The following EXOC2 variants were observed in gnomAD, a reference collection of about 807,000 sequenced individuals.
EXOC2 encodes the protein exocyst complex component 2.
EXOC2 carries 70 observed loss-of-function variants against 131.8 expected under a neutral mutation model. The observed-to-expected ratio is 0.53, with a 90% CI of 0.44 to 0.65. The LOEUF is 0.65. EXOC2 is among the 30% of genes least tolerant of loss of function. EXOC2 has a pLI of 0.00. For synonymous variants in EXOC2, 411 were observed against 398.4 expected (o/e 1.03, Z -0.38); for missense variants, 923 against 1,108.6 (o/e 0.83, Z 2.38).
intron 11 of EXOC2, among the ~76,000 whole-genome samples, chr6:578,467 G>A (rs929479103): frequency 2.6e-5 from 4 of 152,184 alleles, no homozygotes; most frequent in Admixed American, 6.5e-5. Flanking sequence ...CTAAGCAGAG[G>A]AGGTAAATAG....
At chr6:584,893 T>A (rs1759117121) in intron 11 of EXOC2, among the ~76,000 whole-genome samples, 1 of 152,224 alleles carries the variant, frequency 6.6e-6, no homozygotes, top group African/African-American at 2.4e-5. Flanking sequence ...GCATATATTT[T>A]AACTCACATT....
At chr6:531,943 T>C (rs538888727) in intron 23 of EXOC2, among the ~76,000 whole-genome samples, 1 of 152,320 alleles carries the variant, frequency 6.6e-6, no homozygotes, top group Non-Finnish European at 1.5e-5. Context: ...TGACTTTCAT[T>C]TGAAATCACA....
intron 7 of EXOC2, among the ~76,000 whole-genome samples, chr6:607,186 C>G (rs947494016): frequency 2.0e-5 from 3 of 152,172 alleles, no homozygotes; most frequent in African/African-American, 7.2e-5. Context: ...GGACGGCTGT[C>G]ATGAACTGAA....
At chr6:580,529 G>C (rs796181935) in intron 11 of EXOC2, among the ~76,000 whole-genome samples, 22 of 151,904 alleles carry the variant, frequency 1.4e-4, no homozygotes, top group African/African-American at 5.3e-4. Flanking sequence ...TTTTTTTAAA[G>C]CAGGAAATGA....
intron 1 of EXOC2, among the ~76,000 whole-genome samples, chr6:667,860 CCCATCCATCCATCCATCCAT>C (rs200385451): frequency 1.3e-4 from 15 of 114,104 alleles, no homozygotes; most frequent in South Asian, 9.8e-4. Flanking sequence ...TAAATCCCCT[CCCATCCATCCATCCATCCAT>C]CCATCCATCC....
chr6:496,802 G>A (rs1008196775), intron 25 of EXOC2, among the ~76,000 whole-genome samples: 4 of 152,190 alleles, frequency 2.6e-5, no homozygotes, highest in Non-Finnish European at 5.9e-5. Flanking sequence ...GCCATGGCTG[G>A]ACGAAGGGCA....
At chr6:595,913 T>C (rs941818039) in intron 10 of EXOC2, among the ~76,000 whole-genome samples, 1 of 152,108 alleles carries the variant, frequency 6.6e-6, no homozygotes, top group African/African-American at 2.4e-5. Flanking sequence ...TTTCTAGGAT[T>C]CTACAAACCA....
chr6:549,582 A>G (rs907148197), intron 21 of EXOC2, among the ~76,000 whole-genome samples: 1 of 152,240 alleles, frequency 6.6e-6, no homozygotes, highest in East Asian at 1.9e-4. Flanking sequence ...ATTAACTAGG[A>G]TCAGCTGGGA....
intron 23 of EXOC2, among the ~76,000 whole-genome samples, chr6:513,302 C>T (rs1237876278): frequency 6.6e-6 from 1 of 152,260 alleles, no homozygotes. Context: ...GCCCACGTGT[C>T]CACGAGCAGC....
intron 2 of EXOC2, among the ~76,000 whole-genome samples, chr6:635,458 T>G (rs753690407): frequency 2.6e-5 from 4 of 152,210 alleles, no homozygotes; most frequent in African/African-American, 4.8e-5. Flanking sequence ...AAACACAGAT[T>G]CAAGTAGATC....
intron 13 of EXOC2, among the ~76,000 whole-genome samples, chr6:566,803 C>T (rs1409576651): frequency 3.3e-5 from 5 of 152,162 alleles, no homozygotes; most frequent in African/African-American, 1.2e-4. Context: ...CTCTGTGACC[C>T]ATATGTGAAT....
intron 13 of EXOC2, 29 bp downstream of exon 13, chr6:572,491 T>G (rs1228307891): frequency 6.3e-7 from 1 of 1,589,384 alleles, no homozygotes. Flanking sequence ...GTGACTCAGC[T>G]CCACCTCTAG....
intron 23 of EXOC2, among the ~76,000 whole-genome samples, chr6:526,298 T>A (rs1418640472): frequency 6.6e-6 from 1 of 152,230 alleles, no homozygotes; most frequent in Non-Finnish European, 1.5e-5. Context: ...GATACCCTAA[T>A]GGTATTTTAA....
chr6:570,486 A>G (rs1758218147), intron 13 of EXOC2, among the ~76,000 whole-genome samples: 1 of 152,164 alleles, frequency 6.6e-6, no homozygotes, highest in Non-Finnish European at 1.5e-5. Context: ...GACATTATTC[A>G]ATTCTACTCC....
chr6:527,813 T>C (rs1356682107), intron 23 of EXOC2, among the ~76,000 whole-genome samples: 1 of 152,246 alleles, frequency 6.6e-6, no homozygotes, highest in Non-Finnish European at 1.5e-5. Flanking sequence ...TAGATTCACT[T>C]AGTAAATAAC....
At chr6:673,299 TTA>T (rs1763961869) in intron 1 of EXOC2, among the ~76,000 whole-genome samples, 3 of 133,998 alleles carry the variant, frequency 2.2e-5, no homozygotes, top group Non-Finnish European at 3.2e-5. Flanking sequence ...AAATTCACAT[TTA>T]TCTAAGAAAA....
chr6:496,331 A>G (rs1433832644), intron 25 of EXOC2, among the ~76,000 whole-genome samples: 4 of 152,240 alleles, frequency 2.6e-5, no homozygotes, highest in Non-Finnish European at 5.9e-5. Context: ...ATTCTGTAAT[A>G]TATCTCTAAG....
chr6:635,817 C>T (rs903982729), intron 2 of EXOC2, among the ~76,000 whole-genome samples: 10 of 152,266 alleles, frequency 6.6e-5, no homozygotes, highest in African/African-American at 2.4e-4. Context: ...AATGCCAGCA[C>T]TTTGGGAGAC....
chr6:532,528 G>A lies in EXOC2; in HGVS notation c.2321C>T (p.Ser774Phe). The change falls in exon 23 of 28, where the codon TCC becomes TTC. Residue 774 changes from serine (S) to phenylalanine (F), a missense_variant. By Grantham distance (155) the Ser-to-Phe change is radical. Transcript: ENST00000230449. The part of the protein sequence containing the change: ...IELKADPIVG[S>F]LEPGIYAGYF... ...TCCTGCATAAATTCCAGGTTCTAAG[G>A]AGCCAACGATGGGATCTGCTTTCAA... 1 of 1,608,358 alleles carries A rather than the reference G, an allele frequency of 6.2e-7. No homozygotes were observed. The highest frequency in any genetic ancestry group is 1.3e-5 in the African/African-American group (1 of 74,748).
Sources: allele counts gnomAD v4.1 joint callset (sites outside exome capture counted in the v4.1 genomes callset), GRCh38; gene constraint gnomAD v4.1.1; transcripts MANE v1.5; gene names NCBI Gene and HGNC (gene_info 2026-07-23, HGNC 2026-07-21).